The following GRAMD2B variants were observed in gnomAD, a reference collection of about 807,000 sequenced individuals.
The protein encoded by GRAMD2B is GRAM domain containing 2B.
A neutral mutation model predicts 59.2 loss-of-function variants in GRAMD2B; 41 were observed. The observed-to-expected ratio is 0.69, with a 90% CI of 0.54 to 0.90. GRAMD2B has a LOEUF of 0.90. GRAMD2B is among the 40% of genes least tolerant of loss of function. The probability of loss-of-function intolerance (pLI) is 0.00; values close to 1 mark genes in which losing one functional copy is unlikely to be tolerated. For synonymous variants in GRAMD2B, 161 were observed against 182.7 expected, an observed-to-expected ratio of 0.88 and a Z score of 0.96; for missense variants, 424 against 500.5, an observed-to-expected ratio of 0.85 and a Z score of 1.46.
At chr5:126,425,940 G>A (rs1386999846) in intron 1 of GRAMD2B, among the ~76,000 whole-genome samples, 1 of 151,964 alleles carries the variant, frequency 6.6e-6, no homozygotes, top group African/African-American at 2.4e-5. Context: ...GAGTTCTATT[G>A]CACAGCAAGG....
In GRAMD2B at chr5:126,486,903, C is replaced by T. The variant is rs1217417474; in HGVS notation, c.1089C>T (p.Tyr363=). The T allele has an allele frequency of 6.2e-7, 1 of 1,612,094 alleles. No homozygotes were observed. The highest frequency in any genetic ancestry group is 8.5e-7 in the Non-Finnish European group (1 of 1,178,540). ...GTGCACTAATCATCTCGACCTTCTA[C>T]ATGAGATACAGAATTAATACTCTGG... ...VVCALIISTF[Y]MRYRINTLEE... is the part of the protein sequence containing the mutation. The change falls in exon 12 of 14, where the codon TAC becomes TAT. Residue 363 remains tyrosine (Y), a synonymous_variant. Coordinates refer to ENST00000285689, the MANE Select transcript of GRAMD2B (RefSeq NM_023927.4).
chr5:126,382,941 A>G (rs1755789325), intron 1 of GRAMD2B, among the ~76,000 whole-genome samples: 1 of 152,054 alleles, frequency 6.6e-6, no homozygotes, highest in East Asian at 1.9e-4. Flanking sequence ...TGAGAGCCAG[A>G]CTGCAGTGAT....
intron 3 of GRAMD2B, among the ~76,000 whole-genome samples, chr5:126,470,781 A>T (rs1769409863): frequency 6.6e-6 from 1 of 151,716 alleles, no homozygotes; most frequent in South Asian, 2.1e-4. Context: ...CTCATCTCAA[A>T]CTCCTGGCCT....
At chr5:126,472,371 G>A (rs1181268264) in intron 4 of GRAMD2B, 67 bp downstream of exon 4, 2 of 1,279,216 alleles carry the variant, frequency 1.6e-6, no homozygotes, top group African/African-American at 1.5e-5. Context: ...TTTTGGGGAA[G>A]AAAAAGGGCA....
chr5:126,416,571 G>A (rs924055112), intron 1 of GRAMD2B, among the ~76,000 whole-genome samples: 1 of 152,146 alleles, frequency 6.6e-6, no homozygotes, highest in Admixed American at 6.5e-5. Flanking sequence ...TGTGGGAGAG[G>A]ACAGATAATA....
At chr5:126,362,221 A>T (rs1448833776) in intron 1 of GRAMD2B, among the ~76,000 whole-genome samples, 1 of 152,222 alleles carries the variant, frequency 6.6e-6, no homozygotes, top group Admixed American at 6.5e-5. Context: ...TTGATCGGGC[A>T]GCATCATTTC....
At chr5:126,462,208 T>A (rs1767505215) in intron 1 of GRAMD2B, 2 of 153,610 alleles carry the variant, frequency 1.3e-5, no homozygotes, top group Admixed American at 1.3e-4. Flanking sequence ...AAAAAATAAA[T>A]AAAAACTGAT....
intron 1 of GRAMD2B, among the ~76,000 whole-genome samples, chr5:126,440,382 C>A (rs1336718392): frequency 2.0e-5 from 3 of 152,192 alleles, no homozygotes; most frequent in Admixed American, 6.5e-5. Flanking sequence ...AAGATTGAAG[C>A]ATTCAGAAAT....
At chr5:126,372,480 A>C (rs1276079884) in intron 1 of GRAMD2B, among the ~76,000 whole-genome samples, 1 of 152,160 alleles carries the variant, frequency 6.6e-6, no homozygotes, top group Non-Finnish European at 1.5e-5. Context: ...TCAAAAATTT[A>C]ATAGAAAACA....
At position 126,488,896 on chromosome 5, in the gene GRAMD2B, AC is replaced by A. The variant is rs777863191; in HGVS notation, c.1257+6del. 6.2e-7 allele frequency: 1 copy of A among 1,608,810 alleles called. No individual in the cohort carries two copies. The highest frequency in any genetic ancestry group is 2.2e-5 in the East Asian group (1 of 44,810). ...TAACATAGTGAAATTAGAAAAGGTGACCTATTTCTTTCCTGTGTATGGGGGC... is the reference window on the plus strand; with the variant it reads ...TAACATAGTGAAATTAGAAAAGGTGACTATTTCTTTCCTGTGTATGGGGGC... On this transcript the variant is annotated splice_donor_5th_base_variant and intron_variant, in intron 13 of 13. Transcript: ENST00000285689.
upstream of GRAMD2B, chr5:126,371,263 T>C (rs1465639944): frequency 3.7e-6 from 4 of 1,085,906 alleles, no homozygotes; most frequent in African/African-American, 5.0e-5. Flanking sequence ...CACACTGATA[T>C]GTTAATCATT....
intron 1 of GRAMD2B, among the ~76,000 whole-genome samples, chr5:126,441,540 A>G (rs1183445350): frequency 6.6e-6 from 1 of 152,226 alleles, no homozygotes; most frequent in African/African-American, 2.4e-5. Context: ...CTCAAAGGAC[A>G]ATCAGTAGGC....
intron 1 of GRAMD2B, among the ~76,000 whole-genome samples, chr5:126,391,319 C>CAAAAAAAATAAAAAAA (rs1756737520): frequency 1.3e-5 from 1 of 76,350 alleles, no homozygotes; most frequent in Non-Finnish European, 2.6e-5. Flanking sequence ...GACTCCATCT[C>CAAAAAAAATAAAAAAA]AAAAAAAAAA....
chr5:126,363,236 C>T (rs542898984), intron 1 of GRAMD2B, among the ~76,000 whole-genome samples: 5 of 152,068 alleles, frequency 3.3e-5, no homozygotes, highest in Admixed American at 3.3e-4. Flanking sequence ...CATCATTAGT[C>T]ATTAGGAAAA....
At chr5:126,397,521 G>C (rs1361726245) in intron 1 of GRAMD2B, among the ~76,000 whole-genome samples, 1 of 152,084 alleles carries the variant, frequency 6.6e-6, no homozygotes, top group Non-Finnish European at 1.5e-5. Flanking sequence ...TCCACACCTG[G>C]CTTTGACGTT....
At chr5:126,475,552 G>A (rs184088416) in intron 5 of GRAMD2B, among the ~76,000 whole-genome samples, 1 of 152,264 alleles carries the variant, frequency 6.6e-6, no homozygotes, top group East Asian at 1.9e-4. Context: ...ACAGTTTTTA[G>A]AAAATGTCTT....
At chr5:126,480,224 T>A in intron 6 of GRAMD2B, 2 of 488,994 alleles carry the variant, frequency 4.1e-6, no homozygotes, top group Non-Finnish European at 7.2e-6. Context: ...CATGTATTTA[T>A]TACTCTTAAA....
At chr5:126,476,060 A>G (rs531989431) in intron 5 of GRAMD2B, among the ~76,000 whole-genome samples, 5 of 152,280 alleles carry the variant, frequency 3.3e-5, no homozygotes, top group Admixed American at 1.3e-4. Flanking sequence ...GTGAGCCGAG[A>G]TCGTGCCACT....
At chr5:126,490,000 G>A (rs186837064) in intron 13 of GRAMD2B, among the ~76,000 whole-genome samples, 2 of 152,278 alleles carry the variant, frequency 1.3e-5, no homozygotes, top group East Asian at 3.9e-4. Context: ...AACAGCTAAA[G>A]TATTAAGAGC....
Sources: allele counts gnomAD v4.1 joint callset (sites outside exome capture counted in the v4.1 genomes callset), GRCh38; gene constraint gnomAD v4.1.1; transcripts MANE v1.5; gene names NCBI Gene and HGNC (gene_info 2026-07-23, HGNC 2026-07-21).